Variants in MTUS2 observed in about 807,000 individuals in gnomAD.
MTUS2 encodes the protein microtubule associated scaffold protein 2.
Under a neutral mutation model 114.1 loss-of-function variants are expected in MTUS2, and 40 were observed. That is an observed-to-expected ratio of 0.35 (90% CI 0.27 to 0.46). MTUS2 has a LOEUF of 0.46. MTUS2 is among the 20% of genes least tolerant of loss of function. The pLI is 1.00. For missense variants in MTUS2, 1,679 were observed against 1,705.4 expected, an observed-to-expected ratio of 0.98 and a Z score of 0.27; for synonymous variants, 688 against 672.0, an observed-to-expected ratio of 1.02 and a Z score of -0.37.
chr13:28,917,088 C>T (rs949483153), intron 2 of MTUS2, among the ~76,000 whole-genome samples: 1 of 151,846 alleles, frequency 6.6e-6, no homozygotes, highest in African/African-American at 2.4e-5. Context: ...TAGGTCGAAC[C>T]ATCCTTGTAT....
At chr13:29,129,356 C>T (rs995368485) in intron 5 of MTUS2, among the ~76,000 whole-genome samples, 2 of 151,984 alleles carry the variant, frequency 1.3e-5, no homozygotes. Context: ...ATTTATAAAA[C>T]GAACATTTGG....
chr13:29,194,022 G>T (rs1172069976), intron 5 of MTUS2, among the ~76,000 whole-genome samples: 2 of 151,434 alleles, frequency 1.3e-5, no homozygotes, highest in African/African-American at 4.9e-5. Context: ...AAATGGTGCT[G>T]GGAAAACTGG....
chr13:28,989,112 A>T (rs1365745505), intron 2 of MTUS2, among the ~76,000 whole-genome samples: 1 of 152,162 alleles, frequency 6.6e-6, no homozygotes, highest in Non-Finnish European at 1.5e-5. Flanking sequence ...AGGGAGATTT[A>T]TATTGATTCC....
Position 29,492,701 on chromosome 13 carries a change from A to G in MTUS2, c.3561A>G (p.Lys1187=). 1.9e-6 allele frequency: 3 copies of G among 1,613,468 alleles called. No homozygotes were observed. The highest frequency in any genetic ancestry group is 2.5e-6 in the Non-Finnish European group (3 of 1,179,496). Residue 1187 remains lysine, a synonymous_variant, in exon 12 of 16, where the codon AAA becomes AAG. Transcript: ENST00000612955. ...EKKELEENFE[K]LRLSLQDQVD... ...AAGAATTGGAAGAAAATTTTGAAAA[A>G]CTGCGGCTGTCATTGCAGGTTAGTA... is the stretch of plus-strand genomic sequence containing the variant.
At chr13:29,101,939 C>T (rs113906683) in intron 5 of MTUS2, among the ~76,000 whole-genome samples, 3,787 of 152,232 alleles carry the variant, frequency 0.025, 171 homozygotes, top group African/African-American at 0.086. Context: ...TTTTGGTCTA[C>T]CTAGTTATTT....
intron 1 of MTUS2, among the ~76,000 whole-genome samples, chr13:28,825,742 T>C (rs1386711942): frequency 6.6e-6 from 1 of 152,226 alleles, no homozygotes; most frequent in Non-Finnish European, 1.5e-5. Context: ...AGCTGTTTCA[T>C]TTTTTAAGCT....
At chr13:29,498,651 C>T in intron 14 of MTUS2, 114 bp downstream of exon 14, 5 of 1,387,694 alleles carry the variant, frequency 3.6e-6, no homozygotes, top group East Asian at 2.4e-5. Flanking sequence ...CCATTGCTTA[C>T]ACCCAAGCAG....
At chr13:29,473,500 T>C (rs1764378723) in intron 9 of MTUS2, among the ~76,000 whole-genome samples, 1 of 152,226 alleles carries the variant, frequency 6.6e-6, no homozygotes, top group Non-Finnish European at 1.5e-5. Context: ...ACTCTGCTGT[T>C]GTTTCAAGGA....
chr13:29,452,022 C>G (rs1280750338), intron 9 of MTUS2, among the ~76,000 whole-genome samples: 3 of 152,152 alleles, frequency 2.0e-5, no homozygotes, highest in Non-Finnish European at 4.4e-5. Flanking sequence ...CAGTTCTAAG[C>G]TGGGAAAATT....
chr13:29,371,251 T>C (rs879308827), intron 8 of MTUS2, among the ~76,000 whole-genome samples: 48 of 141,540 alleles, frequency 3.4e-4, no homozygotes, highest in Non-Finnish European at 3.8e-4. Flanking sequence ...GGAGTCTCGC[T>C]CTCTTGCCCA....
chr13:29,446,116 G>T (rs1369244464), intron 9 of MTUS2, among the ~76,000 whole-genome samples: 2 of 152,114 alleles, frequency 1.3e-5, no homozygotes, highest in African/African-American at 4.8e-5. Context: ...GAATCATTAT[G>T]AGTCACAAAA....
intron 2 of MTUS2, among the ~76,000 whole-genome samples, chr13:28,897,654 A>G (rs1433305789): frequency 2.0e-5 from 3 of 152,174 alleles, no homozygotes; most frequent in South Asian, 2.1e-4. Flanking sequence ...AACCAACCCA[A>G]ATGTCCAACA....
At chr13:28,859,740 A>G (rs1039175455) in intron 2 of MTUS2, among the ~76,000 whole-genome samples, 1 of 152,176 alleles carries the variant, frequency 6.6e-6, no homozygotes, top group Non-Finnish European at 1.5e-5. Context: ...GGAGCTGCAC[A>G]GAGAAACATA....
chr13:29,425,847 G>C lies in MTUS2; in HGVS notation c.3118-14136G>C, dbSNP rs116495746. On this transcript the variant is annotated intron_variant, in intron 8 of 15. Transcript: ENST00000612955. The stretch of plus-strand genomic sequence containing the variant: ...GTGCCCAAGAAGAGAAGCTGAAAAT[G>C]GCCTCTCTTTGTGTAGATCCTCCAG... Among the ~76,000 whole-genome samples the C allele has an allele frequency of 9.7e-3, 1,480 of 152,242 alleles. 26 individuals carry two copies. The highest frequency in any genetic ancestry group is 0.032 in the African/African-American group (1,347 of 41,530).
At chr13:28,853,612 T>C (rs546247426) in intron 2 of MTUS2, among the ~76,000 whole-genome samples, 1 of 152,320 alleles carries the variant, frequency 6.6e-6, no homozygotes, top group East Asian at 1.9e-4. Flanking sequence ...GTGTATGGGA[T>C]TAAGTAGATT....
chr13:29,089,706 A>AT (rs1889852816), intron 4 of MTUS2, among the ~76,000 whole-genome samples: 1 of 152,152 alleles, frequency 6.6e-6, no homozygotes, highest in South Asian at 2.1e-4. Context: ...AAGCTCTGAC[A>AT]TTCTTTCCTC....
intron 6 of MTUS2, among the ~76,000 whole-genome samples, chr13:29,304,325 A>C (rs1032322479): frequency 1.3e-5 from 2 of 152,188 alleles, no homozygotes; most frequent in Admixed American, 6.5e-5. Context: ...AACTGCCCTG[A>C]TTGAAAGGCA....
chr13:29,401,742 C>G (rs1874364951), intron 8 of MTUS2, among the ~76,000 whole-genome samples: 1 of 152,118 alleles, frequency 6.6e-6, no homozygotes, highest in South Asian at 2.1e-4. Flanking sequence ...ATAGTTTTAT[C>G]CACTATGGTT....
chr13:29,224,513 T>G (rs1393357520), intron 5 of MTUS2, among the ~76,000 whole-genome samples: 1 of 152,176 alleles, frequency 6.6e-6, no homozygotes, highest in African/African-American at 2.4e-5. Context: ...TTCCAAAAAT[T>G]CTAATTATAT....
Sources: gnomAD v4.1 joint callset for allele counts (sites outside exome capture counted in the v4.1 genomes callset) on GRCh38, gnomAD v4.1.1 for gene constraint, MANE v1.5 for transcripts, NCBI Gene and HGNC (gene_info 2026-07-23, HGNC 2026-07-21) for gene names.